The following ISG20 variants were observed in gnomAD, a reference collection of about 807,000 sequenced individuals.
ISG20 encodes interferon-stimulated gene 20 kDa protein.
In ISG20, 8 loss-of-function variants were observed where a neutral mutation model predicts 11.1. The ratio of observed to expected loss-of-function variants is 0.72; its 90% CI spans 0.42 to 1.30. The LOEUF (loss-of-function observed/expected upper bound fraction) is 1.30, where lower values mean the gene tolerates loss of function less well. Ranked by LOEUF, ISG20 falls within the 50% of genes most tolerant of loss-of-function variation. ISG20 has a pLI of 0.01. For missense variants in ISG20, 243 were observed against 250.2 expected, an observed-to-expected ratio of 0.97 and a Z score of 0.19; for synonymous variants, 110 against 101.7, an observed-to-expected ratio of 1.08 and a Z score of -0.49.
At chr15:88,638,194 C>T (rs1034121412), upstream of ISG20, among the ~76,000 whole-genome samples, 11 of 152,334 alleles carry the variant, frequency 7.2e-5, no homozygotes, top group Middle Eastern at 3.4e-3. Context: ...GCGTGGGTAA[C>T]GCTCAGCTTA....
intron 3 of ISG20, among the ~76,000 whole-genome samples, chr15:88,654,875 A>G (rs1567125754): frequency 6.6e-6 from 1 of 152,132 alleles, no homozygotes; most frequent in Non-Finnish European, 1.5e-5. Context: ...CTTCAGTGAT[A>G]AATCCAGGCC....
At chr15:88,644,881 AG>A in intron 2 of ISG20, among the ~76,000 whole-genome samples, 2 of 152,350 alleles carry the variant, frequency 1.3e-5, no homozygotes, top group South Asian at 4.1e-4. Context: ...GCAGGGAGAA[AG>A]GAGGCAGTAG....
At chr15:88,637,246 TAAA>T (rs2057998341), upstream of ISG20, 1 of 152,004 alleles carries the variant, frequency 6.6e-6, no homozygotes, top group African/African-American at 2.4e-5. Flanking sequence ...AGAAAGGCCT[TAAA>T]TTGGATAGTG....
chr15:88,655,500 G>A lies in ISG20; in HGVS notation c.515G>A (p.Arg172Gln), dbSNP rs755773775. ...ATCTCCCAGAGAATCCGAGCCCGCC[G>A]AGGGCTGCCCCGCCTGGCTGTGTCA... Reference protein sequence around the residue: ...YQISQRIRARRGLPRLAVSD With the variant: ...YQISQRIRARQGLPRLAVSD Residue 172 changes from arginine to glutamine, a missense_variant, in exon 4 of 4, where the codon CGA becomes CAA. Arg to Gln is a conservative substitution (Grantham distance 43, BLOSUM62 1). Coordinates refer to ENST00000306072, the MANE Select transcript of ISG20 (RefSeq NM_002201.6). 9.9e-6 allele frequency: 16 copies of A among 1,613,648 alleles called. No homozygotes were observed. The highest frequency in any genetic ancestry group is 3.3e-5 in the Admixed American group (2 of 60,012).
chr15:88,642,421 A>G (rs1412171415), intron 2 of ISG20, among the ~76,000 whole-genome samples: 1 of 152,210 alleles, frequency 6.6e-6, no homozygotes, highest in Non-Finnish European at 1.5e-5. Context: ...TCAACCCATA[A>G]ACTGAGTAAC....
Position 88,649,939 on chromosome 15 carries a change from A to G in ISG20, c.229-2171A>G, listed in dbSNP as rs529768220. The G allele has an allele frequency of 7.3e-6, 3 of 411,880 alleles. No homozygotes were observed. The East Asian group carries it at 1.6e-4, about 22-fold the overall frequency. The allele number at this position is 411,880 out of a possible 1,614,324, so 25.5% of individuals were successfully genotyped here. Reference sequence around the variant, plus strand: ...TGGATGGACAGACTGCTTCCCGCATAGTGACCCTGGGCAAGTCACATCTCC... The same window carrying G: ...TGGATGGACAGACTGCTTCCCGCATGGTGACCCTGGGCAAGTCACATCTCC... On this transcript the variant is annotated intron_variant, in intron 2 of 3. Coordinates refer to ENST00000306072, the MANE Select transcript of ISG20 (RefSeq NM_002201.6).
At chr15:88,637,706 G>A (rs577183242), upstream of ISG20, among the ~76,000 whole-genome samples, 4 of 152,172 alleles carry the variant, frequency 2.6e-5, no homozygotes, top group African/African-American at 9.6e-5. Context: ...CAGCAAACAT[G>A]TTCCTGTCTG....
chr15:88,651,860 A>G, intron 2 of ISG20: 4 of 1,356,412 alleles, frequency 2.9e-6, no homozygotes, highest in Non-Finnish European at 3.8e-6. Context: ...TGTACTAACC[A>G]TTGCTCCTAC....
At chr15:88,638,426 C>A (rs1001209725), upstream of ISG20, among the ~76,000 whole-genome samples, 10 of 152,202 alleles carry the variant, frequency 6.6e-5, no homozygotes, top group Non-Finnish European at 1.3e-4. Context: ...CTCCTTCACC[C>A]TCACAGAGTC....
intron 2 of ISG20, among the ~76,000 whole-genome samples, chr15:88,641,154 G>A (rs1354503602): frequency 2.0e-5 from 3 of 151,866 alleles, no homozygotes; most frequent in Non-Finnish European, 2.9e-5. Flanking sequence ...CACCATGCCC[G>A]GCTAATTTTT....
intron 2 of ISG20, among the ~76,000 whole-genome samples, chr15:88,646,442 G>A (rs2058174015): frequency 6.6e-6 from 1 of 152,162 alleles, no homozygotes; most frequent in Non-Finnish European, 1.5e-5. Context: ...GTGTGTGAAT[G>A]CACTCTATAA....
intron 2 of ISG20, chr15:88,648,367 G>T (rs2058214331): frequency 6.6e-6 from 1 of 152,300 alleles, no homozygotes. Context: ...GTAGGTCTGT[G>T]TAGGGCCTGG....
chr15:88,648,062 G>T, intron 2 of ISG20: 1 of 152,468 alleles, frequency 6.6e-6, no homozygotes, highest in Non-Finnish European at 1.5e-5. Flanking sequence ...GGGGAGCTTG[G>T]CAGGGGACAA....
In ISG20 at chr15:88,639,183, G is replaced by A; in HGVS notation, c.-25+107G>A. On this transcript the variant is annotated intron_variant, in intron 1 of 3. Transcript: ENST00000306072. This position sits in a 1 kb window ranked among gnomAD's most constrained non-coding sequence, Gnocchi z 4.2. ...GCCCTGGGACACACGGGCAGGGTAA[G>A]GCAGGGGATGGGGGAGGCAAGAGGC... 6.6e-6 allele frequency: 4 copies of A among 605,442 alleles called. No homozygotes were observed. The highest frequency in any genetic ancestry group is 3.0e-5 in the Admixed American group (1 of 33,736). 37.5% of individuals were successfully genotyped at this position (605,442 alleles called of 1,614,324 possible).
chr15:88,639,720 G>T lies in ISG20; in HGVS notation c.228+126G>T. On this transcript the variant is annotated intron_variant, in intron 2 of 3. Coordinates refer to ENST00000306072, the MANE Select transcript of ISG20 (RefSeq NM_002201.6). This position sits in a 1 kb window ranked among gnomAD's most constrained non-coding sequence, Gnocchi z 4.2. Reference sequence around the variant, plus strand: ...GTAAGATTTCCCACACTGCTGTTGGGAGAAAGCCGGTGGTGTCTCCATCAC... The same window carrying T: ...GTAAGATTTCCCACACTGCTGTTGGTAGAAAGCCGGTGGTGTCTCCATCAC... 1 of 707,526 alleles carries T rather than the reference G, an allele frequency of 1.4e-6. No individual in the cohort carries two copies. Among genetic ancestry groups the T allele is most frequent in the South Asian group, 1.8e-5 (1 of 56,294 alleles). 43.8% of individuals were successfully genotyped at this position (707,526 alleles called of 1,614,324 possible).
chr15:88,639,788 C>T lies in ISG20; in HGVS notation c.228+194C>T, dbSNP rs77518826. ...CTGTCTTCAGAGAACCATAGACTCACATCTGGAAGCCGCCTTTGGGGCATC... is the reference window on the plus strand; with the variant it reads ...CTGTCTTCAGAGAACCATAGACTCATATCTGGAAGCCGCCTTTGGGGCATC... On this transcript the variant is annotated intron_variant, in intron 2 of 3. Transcript: ENST00000306072. The surrounding 1 kb of genome is among the most constrained non-coding windows in gnomAD (Gnocchi z 4.2). 0.065 allele frequency among the ~76,000 whole-genome samples: 9,912 copies of T among 152,300 alleles called. 422 individuals are homozygous for T. Among genetic ancestry groups the T allele is most frequent in the Non-Finnish European group, 0.094 (6,412 of 67,992 alleles).
Position 88,650,360 on chromosome 15 carries a change from C to T in ISG20, c.229-1750C>T, listed in dbSNP as rs1444504905. 5.2e-6 allele frequency: 8 copies of T among 1,533,206 alleles called. No homozygotes were observed. The East Asian group carries it at 2.0e-4, about 38-fold the overall frequency. The allele number at this position is 1,533,206 out of a possible 1,614,324, so 95.0% of individuals were successfully genotyped here. On this transcript the variant is annotated intron_variant, in intron 2 of 3. Coordinates refer to ENST00000306072, the MANE Select transcript of ISG20 (RefSeq NM_002201.6). The surrounding 1 kb of genome is among the most constrained non-coding windows in gnomAD (Gnocchi z 4.0). ...GAACGCGGGGCTGGGGCAGTCACAGCTGGGCGCCTGGGCTGCTGGAGGCCT... is the reference window on the plus strand; with the variant it reads ...GAACGCGGGGCTGGGGCAGTCACAGTTGGGCGCCTGGGCTGCTGGAGGCCT...
intron 3 of ISG20, among the ~76,000 whole-genome samples, chr15:88,654,108 C>T (rs1022309632): frequency 2.0e-5 from 3 of 152,094 alleles, no homozygotes; most frequent in Non-Finnish European, 2.9e-5. Context: ...ATTCCAAATC[C>T]GGGGCTCTTT....
chr15:88,636,824 G>A (rs2057991985), upstream of ISG20, among the ~76,000 whole-genome samples: 1 of 152,176 alleles, frequency 6.6e-6, no homozygotes, highest in Admixed American at 6.5e-5. Context: ...CCATCGCCCT[G>A]GCAGGAAGTG....
Sources: allele counts gnomAD v4.1 joint callset (sites outside exome capture counted in the v4.1 genomes callset), GRCh38; gene constraint gnomAD v4.1.1; non-coding constraint Gnocchi (gnomAD v3.1); transcripts MANE v1.5; gene names NCBI Gene and HGNC (gene_info 2026-07-23, HGNC 2026-07-21).